ROBO1: variants seen among roughly 807,000 people sequenced by gnomAD.
The protein encoded by ROBO1 is roundabout guidance receptor 1.
ROBO1 carries 149 observed loss-of-function variants against 195.9 expected under a neutral mutation model. The ratio of observed to expected loss-of-function variants is 0.76; its 90% CI spans 0.67 to 0.87. The LOEUF is 0.87. Among genes scored for constraint, ROBO1 ranks in the 40% least tolerant of loss-of-function variants. The pLI, the probability that ROBO1 is intolerant of heterozygous loss-of-function variation, is 0.00. For synonymous variants in ROBO1, 816 were observed against 733.2 expected (o/e 1.11, Z -1.82); for missense variants, 1,933 against 2,068.3 (o/e 0.93, Z 1.27).
intron 4 of ROBO1, among the ~76,000 whole-genome samples, chr3:78,894,591 T>C (rs909583339): frequency 6.6e-6 from 1 of 152,212 alleles, no homozygotes; most frequent in Non-Finnish European, 1.5e-5. Flanking sequence ...AAATCTCATA[T>C]ACATGTTTTG....
intron 3 of ROBO1, among the ~76,000 whole-genome samples, chr3:78,965,620 CA>C (rs201148173): frequency 1.5e-3 from 210 of 139,786 alleles, no homozygotes; most frequent in African/African-American, 3.8e-3. Flanking sequence ...TTATTCATTT[CA>C]AAAAAAAAAA....
intron 1 of ROBO1, among the ~76,000 whole-genome samples, chr3:79,722,720 C>A (rs1252923105): frequency 3.3e-5 from 5 of 152,140 alleles, no homozygotes; most frequent in Non-Finnish European, 7.4e-5. Context: ...CTATTCTTTA[C>A]ACTTATTTAA....
Position 79,716,845 on chromosome 3 carries a change from G to A in ROBO1, c.-51+50907C>T, listed in dbSNP as rs79538228. ...ATCACATGAATTTTAAAAATGATTC[G>A]ATGACATTTTGTTGATAAGGGTGAA... On this transcript the variant is annotated intron_variant, in intron 1 of 30. Transcript: ENST00000464233. Among the ~76,000 whole-genome samples, 1,407 of 151,944 alleles carry A rather than the reference G, an allele frequency of 9.3e-3. 25 individuals carry two copies. The highest frequency in any genetic ancestry group is 0.032 in the African/African-American group (1,324 of 41,502).
At chr3:79,313,799 TGAATAA>T (rs112660624) in intron 2 of ROBO1, among the ~76,000 whole-genome samples, 32 of 152,246 alleles carry the variant, frequency 2.1e-4, no homozygotes, top group African/African-American at 7.2e-4. Context: ...GGTAAACAGA[TGAATAA>T]GAATGATTTT....
intron 15 of ROBO1, among the ~76,000 whole-genome samples, chr3:78,661,671 T>C (rs746777749): frequency 6.6e-6 from 1 of 152,180 alleles, no homozygotes; most frequent in Non-Finnish European, 1.5e-5. Flanking sequence ...AAAAGCCTAC[T>C]TAATACTACT....
chr3:78,946,305 C>G lies in ROBO1; in HGVS notation c.173-7378G>C, dbSNP rs142832523. On this transcript the variant is annotated intron_variant, in intron 3 of 30. Transcript: ENST00000464233. ...GGGTTACCCACAAAGGGAAGCCCACCAGACTAACAGCTAATCTCTTGGCAG... is the reference window on the plus strand; with the variant it reads ...GGGTTACCCACAAAGGGAAGCCCACGAGACTAACAGCTAATCTCTTGGCAG... Among the ~76,000 whole-genome samples the G allele has an allele frequency of 1.4e-3, 213 of 152,270 alleles. 2 individuals carry two copies. In the East Asian group the frequency reaches 0.032, roughly 23 times the overall value.
intron 1 of ROBO1, among the ~76,000 whole-genome samples, chr3:79,730,038 T>A (rs1366889926): frequency 1.3e-5 from 2 of 152,210 alleles, no homozygotes; most frequent in African/African-American, 4.8e-5. Context: ...TAACAAGCAT[T>A]CACCTGTGTA....
At chr3:78,958,293 T>C (rs1165914458) in intron 3 of ROBO1, among the ~76,000 whole-genome samples, 6 of 152,220 alleles carry the variant, frequency 3.9e-5, no homozygotes, top group Non-Finnish European at 7.3e-5. Flanking sequence ...ATTTCTAATG[T>C]ACACTAAAGT....
intron 18 of ROBO1, among the ~76,000 whole-genome samples, chr3:78,656,797 T>C (rs796407726): frequency 2.6e-5 from 4 of 152,302 alleles, no homozygotes; most frequent in African/African-American, 7.2e-5. Flanking sequence ...AGGATAACAT[T>C]GAATATTGAC....
At chr3:78,732,502 A>G (rs1161825573) in intron 5 of ROBO1, among the ~76,000 whole-genome samples, 1 of 152,168 alleles carries the variant, frequency 6.6e-6, no homozygotes, top group Non-Finnish European at 1.5e-5. Context: ...ATTTCTATGA[A>G]GAAGAATGCC....
chr3:78,839,235 TA>T (rs920940615), intron 4 of ROBO1, among the ~76,000 whole-genome samples: 2 of 152,126 alleles, frequency 1.3e-5, no homozygotes, highest in Non-Finnish European at 2.9e-5. Flanking sequence ...GATCCTAAGT[TA>T]TTTTTTTAAA....
At chr3:79,678,924 CACTT>C (rs1326422852) in intron 1 of ROBO1, among the ~76,000 whole-genome samples, 1 of 151,986 alleles carries the variant, frequency 6.6e-6, no homozygotes, top group Non-Finnish European at 1.5e-5. Flanking sequence ...TTTTATAAAA[CACTT>C]AAAGTGTCAC....
At chr3:79,413,311 G>A (rs558082308) in intron 2 of ROBO1, among the ~76,000 whole-genome samples, 1 of 152,190 alleles carries the variant, frequency 6.6e-6, no homozygotes, top group Non-Finnish European at 1.5e-5. Flanking sequence ...TAGAATAAAT[G>A]ATTAAAACAA....
intron 4 of ROBO1, among the ~76,000 whole-genome samples, chr3:78,856,679 C>A (rs1383880101): frequency 6.6e-6 from 1 of 150,768 alleles, no homozygotes; most frequent in Non-Finnish European, 1.5e-5. Flanking sequence ...ATAAAAATTA[C>A]CCAATCTCCT....
At chr3:78,880,771 A>G (rs992538340) in intron 4 of ROBO1, among the ~76,000 whole-genome samples, 2 of 152,118 alleles carry the variant, frequency 1.3e-5, no homozygotes, top group African/African-American at 4.8e-5. Context: ...AAGAGCAGCT[A>G]TTTATGTCAC....
chr3:79,695,374 C>T (rs1947414251), intron 1 of ROBO1, among the ~76,000 whole-genome samples: 1 of 151,456 alleles, frequency 6.6e-6, no homozygotes, highest in Non-Finnish European at 1.5e-5. Flanking sequence ...TTCAATACAC[C>T]AGTGTTGGCT....
chr3:79,559,116 G>A (rs1406630291), intron 2 of ROBO1, among the ~76,000 whole-genome samples: 1 of 152,094 alleles, frequency 6.6e-6, no homozygotes, highest in East Asian at 1.9e-4. Flanking sequence ...GCCCCAATAA[G>A]GGAAATGCCT....
At chr3:79,243,344 T>A (rs958180459) in intron 2 of ROBO1, among the ~76,000 whole-genome samples, 1 of 152,152 alleles carries the variant, frequency 6.6e-6, no homozygotes, top group Non-Finnish European at 1.5e-5. Flanking sequence ...TTTGGGTATA[T>A]ACCCAGTAAT....
intron 1 of ROBO1, among the ~76,000 whole-genome samples, chr3:79,606,035 C>CATGT (rs149486213): frequency 4.1e-5 from 6 of 146,742 alleles, no homozygotes; most frequent in Non-Finnish European, 7.5e-5. Flanking sequence ...CATGTACCCA[C>CATGT]ATATATATAT....
Sources: gnomAD v4.1 joint callset for allele counts (sites outside exome capture counted in the v4.1 genomes callset) on GRCh38, gnomAD v4.1.1 for gene constraint, MANE v1.5 for transcripts, NCBI Gene and HGNC (gene_info 2026-07-23, HGNC 2026-07-21) for gene names.